Variants in PCDH11X observed in about 807,000 individuals in gnomAD.
The protein encoded by PCDH11X is protocadherin-11 X-linked.
Under a neutral mutation model 53.3 loss-of-function variants are expected in PCDH11X, and 18 were observed. That is an observed-to-expected ratio of 0.34 (90% confidence interval 0.23 to 0.50). The LOEUF (loss-of-function observed/expected upper bound fraction) is 0.50. Among genes scored for constraint, PCDH11X ranks in the 20% least tolerant of loss-of-function variants. The probability of loss-of-function intolerance (pLI) is 0.98; values close to 1 mark genes in which losing one functional copy is unlikely to be tolerated. For synonymous variants in PCDH11X, 279 were observed against 393.3 expected (o/e 0.71, Z 3.44); for missense variants, 570 against 1,032.4 (o/e 0.55, Z 6.14).
At chrX:91,989,340 A>C (rs1460545631) in intron 6 of PCDH11X, among the ~76,000 whole-genome samples, 1 of 111,515 alleles carries the variant, frequency 9.0e-6, no homozygotes, top group Non-Finnish European at 1.9e-5. Context: ...AGGCGGGCAG[A>C]TCACGAGGTC....
intron 6 of PCDH11X, among the ~76,000 whole-genome samples, chrX:91,993,671 A>C (rs923815320): frequency 3.6e-5 from 4 of 111,361 alleles, no homozygotes; most frequent in Non-Finnish European, 7.5e-5. Flanking sequence ...GGAAGTAATA[A>C]ATTTAGAACT....
At chrX:91,930,327 C>T (rs1249840391) in intron 6 of PCDH11X, among the ~76,000 whole-genome samples, 1 of 108,822 alleles carries the variant, frequency 9.2e-6, no homozygotes, top group Non-Finnish European at 1.9e-5. Flanking sequence ...TGTCTGTGTG[C>T]ATGTGAGAAA....
At chrX:92,126,983 C>A (rs2064878576) in intron 6 of PCDH11X, among the ~76,000 whole-genome samples, 1 of 106,775 alleles carries the variant, frequency 9.4e-6, no homozygotes, top group African/African-American at 3.4e-5. Flanking sequence ...CAAGTCTTTC[C>A]TTTTTCATTT....
At chrX:91,902,719 A>T (rs1373652880) in intron 6 of PCDH11X, among the ~76,000 whole-genome samples, 1 of 109,027 alleles carries the variant, frequency 9.2e-6, no homozygotes, top group Non-Finnish European at 1.9e-5. Flanking sequence ...AATTGGATTG[A>T]TTCCCTTCAA....
At position 91,836,005 on chromosome X, in the gene PCDH11X, C is replaced by T; in HGVS notation, c.501C>T (p.Asp167=). 2.5e-6 allele frequency: 3 copies of T among 1,211,087 alleles called. No individual in the cohort carries two copies. Among genetic ancestry groups the T allele is most frequent in the East Asian group, 3.0e-5 (1 of 33,814 alleles). Residue 167 remains aspartate, a synonymous_variant, in exon 5 of 11, where the codon GAC becomes GAT. Coordinates refer to ENST00000682573, the MANE Select transcript of PCDH11X (RefSeq NM_032968.5). ...CTCTCCCAGCGGCTGTTGATCCTGA[C>T]GTAGGAATAAACGGAGTTCAAAACT... ...KYTLPAAVDP[D]VGINGVQNYE...
intron 6 of PCDH11X, among the ~76,000 whole-genome samples, chrX:91,900,397 G>A (rs1287013490): frequency 2.7e-5 from 3 of 110,637 alleles, no homozygotes; most frequent in African/African-American, 6.6e-5. Context: ...GTTACTAGGG[G>A]TGATGGTGAG....
At chrX:91,970,366 T>C (rs145965184) in intron 6 of PCDH11X, among the ~76,000 whole-genome samples, 1 of 111,507 alleles carries the variant, frequency 9.0e-6, no homozygotes, top group East Asian at 2.8e-4. Context: ...TGGTCCATTT[T>C]ACAGAATGCT....
At chrX:92,574,709 A>T in intron 10 of PCDH11X, among the ~76,000 whole-genome samples, 1 of 111,477 alleles carries the variant, frequency 9.0e-6, no homozygotes, top group Middle Eastern at 4.6e-3. Context: ...TGAAGTGATT[A>T]GACTTACTAA....
chrX:92,139,993 T>G (rs2065152399), intron 6 of PCDH11X, among the ~76,000 whole-genome samples: 1 of 109,435 alleles, frequency 9.1e-6, no homozygotes, highest in African/African-American at 3.3e-5. Context: ...TTTTTTTTTT[T>G]AATTTCAAGG....
At chrX:92,393,424 A>G (rs938035322) in intron 9 of PCDH11X, among the ~76,000 whole-genome samples, 7 of 110,204 alleles carry the variant, frequency 6.4e-5, no homozygotes, top group Middle Eastern at 4.6e-3. Flanking sequence ...TGATGTTATC[A>G]TTATCAATGA....
intron 6 of PCDH11X, among the ~76,000 whole-genome samples, chrX:92,127,358 T>C (rs934959463): frequency 2.9e-4 from 32 of 110,068 alleles, no homozygotes; most frequent in African/African-American, 9.9e-4. Flanking sequence ...TTCCCTCCAC[T>C]GTTAAATTAG....
Position 92,097,411 on chromosome X carries a change from G to GAA in PCDH11X, c.3034-103949_3034-103948dup, listed in dbSNP as rs755835797. The stretch of plus-strand genomic sequence containing the variant: ...GGAAACAGACTGAGCCCTTGTCTCA[G>GAA]AAAAAAAAAAAAAAAATTGAAAAAG... On this transcript the variant is annotated intron_variant, in intron 6 of 10. Coordinates refer to ENST00000682573, the MANE Select transcript of PCDH11X (RefSeq NM_032968.5). 2.4e-4 allele frequency among the ~76,000 whole-genome samples: 18 copies of GAA among 75,873 alleles called. No individual in the cohort carries two copies. In the East Asian group the frequency reaches 2.6e-3, roughly 11 times the overall value. 65.9% of individuals were successfully genotyped at this position (75,873 alleles called of 115,157 possible).
rs1203164852 is a variant in PCDH11X at position 92,031,165 on chromosome X, G to A, written c.3033+151892G>A. On this transcript the variant is annotated intron_variant, in intron 6 of 10. Transcript: ENST00000682573. ...CAACATTTGTTATTGCCTGACTTTA[G>A]ATATTTCCTTTTAATTGGGGTGACA... Among the ~76,000 whole-genome samples the A allele has an allele frequency of 1.4e-4, 16 of 111,078 alleles. No individual in the cohort carries two copies. In the Admixed American group the frequency reaches 1.5e-3, roughly 11 times the overall value.
intron 6 of PCDH11X, among the ~76,000 whole-genome samples, chrX:91,973,521 A>G (rs1300761711): frequency 9.2e-6 from 1 of 108,227 alleles, no homozygotes. Flanking sequence ...AATGATAAGT[A>G]TGTGAGCTAA....
chrX:92,256,557 A>C (rs1231870739), intron 7 of PCDH11X, among the ~76,000 whole-genome samples: 1 of 111,122 alleles, frequency 9.0e-6, no homozygotes, highest in African/African-American at 3.3e-5. Context: ...TTTTTTCCCC[A>C]ACTTTTATTT....
chrX:92,123,340 C>T (rs770461130), intron 6 of PCDH11X, among the ~76,000 whole-genome samples: 1 of 111,524 alleles, frequency 9.0e-6, no homozygotes, highest in Admixed American at 9.6e-5. Context: ...GGGCAGTAAC[C>T]ATACAATTTA....
Position 91,878,407 on chromosome X carries a change from C to A in PCDH11X, c.2167C>A (p.Leu723Met). The change falls in exon 6 of 11, where the codon CTG (leucine) becomes ATG (methionine). Residue 723 changes from leucine to methionine, a missense_variant. Physicochemically the swap from Leu to Met is conservative, Grantham distance 15 (BLOSUM62 2). Transcript: ENST00000682573. Reference sequence around the variant, plus strand: ...CATTGTAGGAGGAAACACAAGAGATCTGTTTGCAATCGACCAAGAAACAGG... The same window carrying A: ...CATTGTAGGAGGAAACACAAGAGATATGTTTGCAATCGACCAAGAAACAGG... ...YSIVGGNTRD[L>M]FAIDQETGNI... The A allele has an allele frequency of 8.3e-7, 1 of 1,204,261 alleles. No individual in the cohort carries two copies.
At position 92,553,562 on chromosome X, in the gene PCDH11X, A is replaced by G. The variant is rs1223311466; in HGVS notation, c.3368-64702A>G. Among the ~76,000 whole-genome samples, 3 of 108,309 alleles carry G rather than the reference A, an allele frequency of 2.8e-5. No homozygotes were observed. The Admixed American group carries it at 3.0e-4, about 11-fold the overall frequency. The allele number at this position is 108,309 out of a possible 115,157, so 94.1% of individuals were successfully genotyped here. A position where few individuals can be genotyped will look rare whatever the true frequency, so the allele number is the denominator to read the frequency against. ...CATCTTTTGTATTGTTTTCATTTTA[A>G]TTTTATTTATTTCTATTCTAATCTT... On this transcript the variant is annotated intron_variant, in intron 10 of 10. Transcript: ENST00000682573.
intron 10 of PCDH11X, among the ~76,000 whole-genome samples, chrX:92,563,934 T>C (rs1227423358): frequency 8.1e-5 from 9 of 110,973 alleles, no homozygotes; most frequent in Middle Eastern, 4.7e-3. Flanking sequence ...AGTTGCAGGA[T>C]ACGAAGTCAG....
Sources: gnomAD v4.1 joint callset for allele counts (sites outside exome capture counted in the v4.1 genomes callset) on GRCh38, gnomAD v4.1.1 for gene constraint, MANE v1.5 for transcripts, NCBI Gene and HGNC (gene_info 2026-07-23, HGNC 2026-07-21) for gene names.